The following PARPBP variants were observed in gnomAD, a reference collection of about 807,000 sequenced individuals.
PARPBP encodes the protein PCNA-interacting partner.
PARPBP carries 52 observed loss-of-function variants against 50.0 expected under a neutral mutation model. The observed-to-expected ratio is 1.04, with a 90% CI of 0.83 to 1.31. The LOEUF (loss-of-function observed/expected upper bound fraction) is 1.31, where lower values mean the gene tolerates loss of function less well. Ranked by LOEUF, PARPBP falls within the 50% of genes most tolerant of loss-of-function variation. The pLI is 0.00. For missense variants in PARPBP, 697 were observed against 672.0 expected (o/e 1.04, Z -0.41); for synonymous variants, 244 against 232.1 (o/e 1.05, Z -0.47).
At chr12:102,152,201 C>G (rs1207989983) in intron 3 of PARPBP, among the ~76,000 whole-genome samples, 3 of 152,128 alleles carry the variant, frequency 2.0e-5, no homozygotes, top group Non-Finnish European at 4.4e-5. Context: ...TAAAAAAGGG[C>G]AGCCCCTGTT....
At chr12:102,154,575 G>A (rs952033139) in intron 4 of PARPBP, among the ~76,000 whole-genome samples, 22 of 152,048 alleles carry the variant, frequency 1.4e-4, no homozygotes, top group Admixed American at 8.5e-4. Context: ...CTATTTAAGG[G>A]GCCTGGGGAG....
At chr12:102,161,921 T>C (rs941422877) in intron 4 of PARPBP, among the ~76,000 whole-genome samples, 6 of 152,188 alleles carry the variant, frequency 3.9e-5, no homozygotes, top group African/African-American at 1.4e-4. Context: ...AGAAAAAATC[T>C]TTCTCATGGT....
At position 102,120,218 on chromosome 12, in the gene PARPBP, C is replaced by G. The variant is rs1021998095; in HGVS notation, c.-72C>G. ...GCGACAGCGGCGACTGCGGCGGCCG[C>G]GGGAGGGCATCCCGTTGGGGATCCT... is the stretch of plus-strand genomic sequence containing the variant. On this transcript the variant is annotated 5_prime_UTR_variant, in exon 1 of 11. Transcript: ENST00000327680. 4.5e-6 allele frequency: 1 copy of G among 222,936 alleles called. No homozygotes were observed. The highest frequency in any genetic ancestry group is 9.6e-6 in the Non-Finnish European group (1 of 104,384). The allele number at this position is 222,936 out of a possible 1,614,324, so 13.8% of individuals were successfully genotyped here.
In PARPBP at chr12:102,120,195, G is replaced by T. The variant is rs567571276; in HGVS notation, c.-95G>T. ...CGAGGTTTGAACTGTATTCAGCGGC[G>T]ACAGCGGCGACTGCGGCGGCCGCGG... On this transcript the variant is annotated 5_prime_UTR_variant, in exon 1 of 11. Coordinates refer to ENST00000327680, the MANE Select transcript of PARPBP (RefSeq NM_017915.5). 5.0e-5 allele frequency: 12 copies of T among 241,304 alleles called. No homozygotes were observed. The highest frequency in any genetic ancestry group is 1.1e-4 in the South Asian group (3 of 28,508). The allele number at this position is 241,304 out of a possible 1,614,324, so 14.9% of individuals were successfully genotyped here.
intron 6 of PARPBP, among the ~76,000 whole-genome samples, chr12:102,169,857 C>T (rs1888515397): frequency 1.3e-5 from 2 of 152,192 alleles, no homozygotes; most frequent in African/African-American, 4.8e-5. Flanking sequence ...CTGCCCATCT[C>T]TCACTCTGAC....
chr12:102,184,307 A>C (rs1890119548), intron 9 of PARPBP, among the ~76,000 whole-genome samples: 2 of 152,132 alleles, frequency 1.3e-5, no homozygotes, highest in African/African-American at 4.8e-5. Flanking sequence ...CATTCTCTCA[A>C]GCATTTTATC....
At chr12:102,134,804 G>A (rs1421578012) in intron 2 of PARPBP, among the ~76,000 whole-genome samples, 1 of 152,076 alleles carries the variant, frequency 6.6e-6, no homozygotes, top group Non-Finnish European at 1.5e-5. Flanking sequence ...AGCCTCCCAA[G>A]TAGCTGGGAC....
Position 102,131,094 on chromosome 12 carries a change from G to C in PARPBP, c.153+7053G>C, listed in dbSNP as rs555135103. Among the ~76,000 whole-genome samples the C allele has an allele frequency of 4.1e-4, 63 of 152,224 alleles. 1 individual carries two copies. The South Asian group carries it at 0.012, about 29-fold the overall frequency. On this transcript the variant is annotated intron_variant, in intron 2 of 10. Coordinates refer to ENST00000327680, the MANE Select transcript of PARPBP (RefSeq NM_017915.5). ...AATCCCAGCACTTTGGGAGGCCAAG[G>C]TGGGTGGATCACTTGAGGTCAGGAT...
At chr12:102,156,138 C>T (rs1288421447) in intron 4 of PARPBP, among the ~76,000 whole-genome samples, 3 of 148,922 alleles carry the variant, frequency 2.0e-5, no homozygotes, top group African/African-American at 7.5e-5. Context: ...ACCCTGATAA[C>T]ACCATGATCA....
rs1886546722 is a variant in PARPBP at position 102,153,924 on chromosome 12, A to T, written c.443A>T (p.Asp148Val). 1.9e-6 allele frequency: 3 copies of T among 1,611,322 alleles called. No homozygotes were observed. The South Asian group carries it at 3.3e-5, about 18-fold the overall frequency. ...GKQYAVGDETDLSIPTSPTSK... is the reference protein window; with the variant it reads ...GKQYAVGDETVLSIPTSPTSK... ...CAGTATGCAGTAGGTGATGAAACTG[A>T]TCTTTCTATACCAACATCACCAACA... The change falls in exon 4 of 11, where the codon GAT (aspartate) becomes GTT (valine). Residue 148 changes from aspartate (D) to valine (V), a missense_variant. Physicochemically the swap from Asp to Val is radical, Grantham distance 152 (BLOSUM62 -3). Coordinates refer to ENST00000327680, the MANE Select transcript of PARPBP (RefSeq NM_017915.5).
intron 5 of PARPBP, chr12:102,164,813 A>G (rs911280465): frequency 1.9e-5 from 11 of 592,554 alleles, no homozygotes; most frequent in Middle Eastern, 4.5e-4. Context: ...GTTTCCTTAC[A>G]TATGTTCTGT....
chr12:102,174,968 C>T (rs1594596257), intron 6 of PARPBP, among the ~76,000 whole-genome samples: 2 of 152,254 alleles, frequency 1.3e-5, no homozygotes. Context: ...CGTCAGTTTC[C>T]TTCCTCCCTG....
intron 3 of PARPBP, chr12:102,151,504 A>G: frequency 9.1e-7 from 1 of 1,097,860 alleles, no homozygotes; most frequent in Non-Finnish European, 1.3e-6. Context: ...ACATCAGTGA[A>G]TGGGGTCCTT....
intron 3 of PARPBP, 155 bp downstream of exon 3, chr12:102,148,618 T>C (rs952262200): frequency 5.4e-5 from 25 of 461,158 alleles, no homozygotes; most frequent in Non-Finnish European, 3.8e-6. Context: ...AAGCTACTTA[T>C]TACTTGAAAG....
intron 7 of PARPBP, 54 bp from the exon 8 acceptor site, chr12:102,178,538 A>G: frequency 8.5e-7 from 1 of 1,177,158 alleles, no homozygotes. Flanking sequence ...AAGTATGGCC[A>G]TTCACCCAGC....
rs989021119 is a variant in PARPBP at position 102,164,765 on chromosome 12, C to T, written c.666+157C>T. The stretch of plus-strand genomic sequence containing the variant: ...ATGGTATTTTAATTTTTTACCATAT[C>T]GTTCAAGTTTGGTAAAGGAGAATTT... On this transcript the variant is annotated intron_variant, in intron 5 of 10. Transcript: ENST00000327680. 3 of 669,308 alleles carry T rather than the reference C, an allele frequency of 4.5e-6. No individual in the cohort carries two copies. The South Asian group carries it at 5.4e-5, about 12-fold the overall frequency. The allele number at this position is 669,308 out of a possible 1,614,324, so 41.5% of individuals were successfully genotyped here.
Position 102,153,992 on chromosome 12 carries a change from G to A in PARPBP, c.495+16G>A. On this transcript the variant is annotated intron_variant, in intron 4 of 10. Transcript: ENST00000327680. ...TAATGAAAAGGTACTGATAAACTGT[G>A]AGTAAATTAAAGCAGACTATAATCC... 7.2e-7 allele frequency: 1 copy of A among 1,380,746 alleles called. No individual in the cohort carries two copies. Among genetic ancestry groups the A allele is most frequent in the Non-Finnish European group, 1.0e-6 (1 of 968,372 alleles). 85.5% of individuals were successfully genotyped at this position (1,380,746 alleles called of 1,614,324 possible).
intron 2 of PARPBP, among the ~76,000 whole-genome samples, chr12:102,147,790 G>A (rs1026866808): frequency 2.0e-5 from 3 of 151,822 alleles, no homozygotes; most frequent in African/African-American, 7.3e-5. Flanking sequence ...TGTTATATGG[G>A]AATTCACTAT....
chr12:102,170,173 G>A (rs1405148679), intron 6 of PARPBP, among the ~76,000 whole-genome samples: 4 of 152,194 alleles, frequency 2.6e-5, no homozygotes, highest in South Asian at 2.1e-4. Flanking sequence ...GATGTTTCAA[G>A]TTGTATCAAT....
Sources: gnomAD v4.1 joint callset for allele counts (sites outside exome capture counted in the v4.1 genomes callset) on GRCh38, gnomAD v4.1.1 for gene constraint, MANE v1.5 for transcripts, NCBI Gene and HGNC (gene_info 2026-07-23, HGNC 2026-07-21) for gene names.